NELL1: variants seen among roughly 807,000 people sequenced by gnomAD.
The protein encoded by NELL1 is neural EGFL like 1, also known as protein kinase C-binding protein NELL1.
Under a neutral mutation model 107.4 loss-of-function variants are expected in NELL1, and 76 were observed. That is an observed-to-expected ratio of 0.71 (90% CI 0.59 to 0.86). The LOEUF is 0.86. NELL1 is among the 40% of genes least tolerant of loss of function. The pLI is 0.00. For missense variants in NELL1, 1,024 were observed against 1,005.5 expected, an observed-to-expected ratio of 1.02 and a Z score of -0.25; for synonymous variants, 353 against 341.2, an observed-to-expected ratio of 1.03 and a Z score of -0.38.
At chr11:21,227,057 T>C (rs1857912305) in intron 13 of NELL1, among the ~76,000 whole-genome samples, 1 of 152,214 alleles carries the variant, frequency 6.6e-6, no homozygotes, top group Non-Finnish European at 1.5e-5. Flanking sequence ...GCTTTTGGAA[T>C]GCTGCACAGA....
chr11:21,186,484 G>T (rs1856938010), intron 13 of NELL1, among the ~76,000 whole-genome samples: 1 of 151,760 alleles, frequency 6.6e-6, no homozygotes, highest in Non-Finnish European at 1.5e-5. Flanking sequence ...ATTTTAGTTT[G>T]TTCGTCTAAG....
intron 12 of NELL1, among the ~76,000 whole-genome samples, chr11:21,050,102 A>G (rs1853455743): frequency 6.6e-6 from 1 of 152,168 alleles, no homozygotes; most frequent in Non-Finnish European, 1.5e-5. Flanking sequence ...TTCAGAGGCG[A>G]TGAATAAAAA....
intron 14 of NELL1, among the ~76,000 whole-genome samples, chr11:21,264,781 C>A (rs1488588515): frequency 1.3e-5 from 2 of 151,596 alleles, no homozygotes; most frequent in African/African-American, 2.4e-5. Flanking sequence ...GTGTGTTGAA[C>A]TAAAACAGAT....
chr11:21,255,858 C>A (rs1258793993), intron 14 of NELL1, among the ~76,000 whole-genome samples: 1 of 151,996 alleles, frequency 6.6e-6, no homozygotes, highest in Non-Finnish European at 1.5e-5. Flanking sequence ...TATTTTCATA[C>A]TTTTGTACTT....
chr11:20,806,920 T>C (rs1270521875), intron 3 of NELL1, among the ~76,000 whole-genome samples: 1 of 152,232 alleles, frequency 6.6e-6, no homozygotes, highest in Non-Finnish European at 1.5e-5. Flanking sequence ...GTTAAATTAA[T>C]CTGATAGGAT....
chr11:21,463,211 T>C (rs914812295), intron 15 of NELL1, among the ~76,000 whole-genome samples: 7 of 152,084 alleles, frequency 4.6e-5, no homozygotes, highest in African/African-American at 1.4e-4. Flanking sequence ...GGGTGATTGT[T>C]GGCTCCCACC....
Position 21,570,857 on chromosome 11 carries a change from A to T in NELL1, c.2074A>T (p.Ser692Cys). 1 of 1,612,030 alleles carries T rather than the reference A, an allele frequency of 6.2e-7. No individual in the cohort carries two copies. The highest frequency in any genetic ancestry group is 2.2e-5 in the East Asian group (1 of 44,732). ...CCCAGAATGTGACACCAGAGTCACAAGTCAATGTTTAGACCAAAATGGTCA... is the reference window on the plus strand; with the variant it reads ...CCCAGAATGTGACACCAGAGTCACATGTCAATGTTTAGACCAAAATGGTCA... ...CCPECDTRVT[S>C]QCLDQNGHKL... The change falls in exon 18 of 20, where the codon AGT (serine) becomes TGT (cysteine). Residue 692 changes from serine to cysteine, a missense_variant. Physicochemically the swap from Ser to Cys is moderately radical, Grantham distance 112. Coordinates refer to ENST00000357134, the MANE Select transcript of NELL1 (RefSeq NM_006157.5).
At chr11:20,712,225 C>G (rs1855131527) in intron 2 of NELL1, among the ~76,000 whole-genome samples, 1 of 152,040 alleles carries the variant, frequency 6.6e-6, no homozygotes, top group Admixed American at 6.6e-5. Flanking sequence ...GATCTTTCTT[C>G]TACTTGTTCT....
chr11:21,480,335 C>G (rs1854461921), intron 15 of NELL1, among the ~76,000 whole-genome samples: 1 of 152,216 alleles, frequency 6.6e-6, no homozygotes, highest in African/African-American at 2.4e-5. Context: ...TCTCTCTGTT[C>G]TTATTCAGGT....
chr11:21,038,460 G>A (rs1357438938), intron 12 of NELL1, among the ~76,000 whole-genome samples: 10 of 152,138 alleles, frequency 6.6e-5, no homozygotes, highest in Admixed American at 6.6e-4. Context: ...GAAACAGAAG[G>A]CCAAGGGTAA....
intron 12 of NELL1, among the ~76,000 whole-genome samples, chr11:21,094,747 C>T (rs905855299): frequency 1.3e-5 from 2 of 152,176 alleles, no homozygotes; most frequent in African/African-American, 2.4e-5. Context: ...AAGGCTGGGA[C>T]ACAGGTCACC....
At chr11:21,398,406 G>A (rs1852026906) in intron 15 of NELL1, among the ~76,000 whole-genome samples, 1 of 151,714 alleles carries the variant, frequency 6.6e-6, no homozygotes, top group African/African-American at 2.4e-5. Context: ...CTTCTGTTGG[G>A]TGATTCATAA....
chr11:20,871,642 T>A (rs74396904), intron 4 of NELL1, among the ~76,000 whole-genome samples: 2 of 150,822 alleles, frequency 1.3e-5, no homozygotes, highest in South Asian at 2.1e-4. Context: ...ATTTTTTTTT[T>A]ATTCATGTAG....
chr11:21,538,201 A>G (rs988357999), intron 16 of NELL1, among the ~76,000 whole-genome samples: 1 of 152,128 alleles, frequency 6.6e-6, no homozygotes, highest in African/African-American at 2.4e-5. Flanking sequence ...TCTAAAATGT[A>G]TCAGTTTAGG....
intron 13 of NELL1, among the ~76,000 whole-genome samples, chr11:21,215,947 G>A (rs572537071): frequency 2.3e-4 from 35 of 152,138 alleles, no homozygotes; most frequent in Non-Finnish European, 4.1e-4. Flanking sequence ...TGGGAAAAAT[G>A]TCTCCAGGGC....
At chr11:20,888,723 A>G (rs551222827) in intron 5 of NELL1, among the ~76,000 whole-genome samples, 2 of 152,140 alleles carry the variant, frequency 1.3e-5, no homozygotes, top group African/African-American at 4.8e-5. Flanking sequence ...TTCTGCTTTG[A>G]CCTGGCTAAG....
chr11:20,763,360 A>G (rs1856463736), intron 2 of NELL1, among the ~76,000 whole-genome samples: 1 of 152,012 alleles, frequency 6.6e-6, no homozygotes, highest in African/African-American at 2.4e-5. Flanking sequence ...CATTTTCAAA[A>G]CTGGTCATGT....
rs1438458640 is a variant in NELL1 at position 21,170,014 on chromosome 11, T to G, written c.1426+56300T>G. 4 of 1,228,792 alleles carry G rather than the reference T, an allele frequency of 3.3e-6. No individual in the cohort carries two copies. The Admixed American group carries it at 6.8e-5, about 21-fold the overall frequency. The allele number at this position is 1,228,792 out of a possible 1,614,324, so 76.1% of individuals were successfully genotyped here. ...CTCCTCAGGCTTTTGAGCACTCAGATGTGGACAGGGTTGTCATCAGCACAG... is the reference window on the plus strand; with the variant it reads ...CTCCTCAGGCTTTTGAGCACTCAGAGGTGGACAGGGTTGTCATCAGCACAG... On this transcript the variant is annotated intron_variant, in intron 13 of 19. Coordinates refer to ENST00000357134, the MANE Select transcript of NELL1 (RefSeq NM_006157.5).
chr11:21,559,217 TAG>T (rs1856794747), intron 16 of NELL1, among the ~76,000 whole-genome samples: 2 of 152,144 alleles, frequency 1.3e-5, no homozygotes, highest in Non-Finnish European at 2.9e-5. Flanking sequence ...CCAAGTAGAC[TAG>T]TAGACACTTA....
Sources: allele counts gnomAD v4.1 joint callset (sites outside exome capture counted in the v4.1 genomes callset), GRCh38; gene constraint gnomAD v4.1.1; transcripts MANE v1.5; gene names NCBI Gene and HGNC (gene_info 2026-07-23, HGNC 2026-07-21).